The following AGMO variants were observed in gnomAD, a reference collection of about 807,000 sequenced individuals.
AGMO encodes alkylglycerol monooxygenase.
AGMO carries 75 observed loss-of-function variants against 60.2 expected under a neutral mutation model. The ratio of observed to expected loss-of-function variants is 1.25; its 90% CI spans 1.03 to 1.51. The LOEUF is 1.51. Ranked by LOEUF, AGMO falls within the 40% of genes most tolerant of loss-of-function variation. The pLI is 0.00. For synonymous variants in AGMO, 261 were observed against 177.1 expected (o/e 1.47, Z -3.76); for missense variants, 763 against 525.5 (o/e 1.45, Z -4.42).
intron 3 of AGMO, among the ~76,000 whole-genome samples, chr7:15,526,081 T>A (rs750116586): frequency 6.6e-6 from 1 of 152,124 alleles, no homozygotes; most frequent in Non-Finnish European, 1.5e-5. Context: ...GAGTGCGCAG[T>A]CATGGTGGCC....
intron 10 of AGMO, among the ~76,000 whole-genome samples, chr7:15,372,919 C>A (rs1407761515): frequency 2.0e-5 from 3 of 152,086 alleles, no homozygotes; most frequent in Non-Finnish European, 4.4e-5. Context: ...AAGATCATAA[C>A]CATAAATAGC....
At chr7:15,159,580 A>G in the AGMO span, among the ~76,000 whole-genome samples, 2 of 152,176 alleles carry the variant, frequency 1.3e-5, no homozygotes, top group African/African-American at 4.8e-5. Context: ...TAAGCAAGAA[A>G]GCTTTAAAGG....
Position 15,390,561 on chromosome 7 carries a change from T to A in AGMO, c.822+110A>T, listed in dbSNP as rs575057006. The A allele has an allele frequency of 8.2e-6, 6 of 733,218 alleles. No individual in the cohort carries two copies. The East Asian group carries it at 1.8e-4, about 22-fold the overall frequency. The allele number at this position is 733,218 out of a possible 1,614,324, so 45.4% of individuals were successfully genotyped here. The stretch of plus-strand genomic sequence containing the variant: ...GTAAATTTTTTAACAGTTAAAAATT[T>A]TTTCAGGTTAGTGTAATATACTTTC... On this transcript the variant is annotated intron_variant, in intron 8 of 12. Coordinates refer to ENST00000342526, the MANE Select transcript of AGMO (RefSeq NM_001004320.2).
At chr7:15,325,222 C>T (rs10265379) in intron 12 of AGMO, among the ~76,000 whole-genome samples, 4,430 of 152,120 alleles carry the variant, frequency 0.029, 224 homozygotes, top group African/African-American at 0.1. Context: ...TCCAAATTAA[C>T]TTGCATTATA....
intron 3 of AGMO, among the ~76,000 whole-genome samples, chr7:15,513,939 C>T (rs1344008820): frequency 1.3e-5 from 2 of 152,100 alleles, no homozygotes; most frequent in Non-Finnish European, 2.9e-5. Context: ...CTCCTATGAC[C>T]CCCAAACACT....
intron 6 of AGMO, among the ~76,000 whole-genome samples, chr7:15,392,808 A>G (rs1784203893): frequency 1.2e-5 from 1 of 81,574 alleles, no homozygotes; most frequent in Admixed American, 1.3e-4. Flanking sequence ...CAAAACAAAC[A>G]AACAAACAAA....
chr7:15,483,506 CA>C (rs1782820607), intron 3 of AGMO, among the ~76,000 whole-genome samples: 2 of 152,136 alleles, frequency 1.3e-5, no homozygotes, highest in African/African-American at 2.4e-5. Flanking sequence ...GCGGAGCTTG[CA>C]GTGAGCCGCG....
At chr7:15,510,397 T>A (rs1359192796) in intron 3 of AGMO, among the ~76,000 whole-genome samples, 1 of 151,902 alleles carries the variant, frequency 6.6e-6, no homozygotes, top group Admixed American at 6.6e-5. Context: ...AGGCTAATTT[T>A]GAACTCCTGG....
At chr7:15,248,640 C>T (rs1179729403) in intron 12 of AGMO, among the ~76,000 whole-genome samples, 13 of 152,118 alleles carry the variant, frequency 8.5e-5, no homozygotes, top group Admixed American at 8.5e-4. Context: ...GCTATAAACA[C>T]TGAACTTGAG....
the AGMO span, among the ~76,000 whole-genome samples, chr7:15,118,876 A>ATTATTTTT: frequency 1.2e-5 from 1 of 81,732 alleles, no homozygotes; most frequent in Non-Finnish European, 2.4e-5. Context: ...AGACGTCAGT[A>ATTATTTTT]TTTTTTTTTT....
At chr7:15,120,410 C>A in the AGMO span, among the ~76,000 whole-genome samples, 21 of 152,166 alleles carry the variant, frequency 1.4e-4, 1 homozygote, top group South Asian at 4.1e-3. Context: ...TTGTGTCCTC[C>A]CTGAATTCCT....
chr7:15,399,973 T>A (rs1784511640), intron 5 of AGMO, among the ~76,000 whole-genome samples: 2 of 152,186 alleles, frequency 1.3e-5, no homozygotes, highest in Admixed American at 1.3e-4. Context: ...CCAAGCACTC[T>A]TCTTGATTTT....
At chr7:15,531,086 A>ATATATTCTG (rs1784316023) in intron 3 of AGMO, among the ~76,000 whole-genome samples, 1 of 16,728 alleles carries the variant, frequency 6.0e-5, no homozygotes, top group Admixed American at 1.3e-3. Flanking sequence ...TATATTCTAT[A>ATATATTCTG]TATATATTCT....
the AGMO span, among the ~76,000 whole-genome samples, chr7:15,138,763 A>C: frequency 6.6e-6 from 1 of 152,350 alleles, no homozygotes; most frequent in South Asian, 2.1e-4. Flanking sequence ...TTTTGAATGA[A>C]GACAAAATGC....
At chr7:15,433,174 G>A (rs1026886724) in intron 3 of AGMO, among the ~76,000 whole-genome samples, 3 of 152,090 alleles carry the variant, frequency 2.0e-5, no homozygotes, top group African/African-American at 4.8e-5. Context: ...AAGAGGATGA[G>A]CTAATCAGAT....
At position 15,500,093 on chromosome 7, in the gene AGMO, G is replaced by A. The variant is rs541047828; in HGVS notation, c.409+44679C>T. Among the ~76,000 whole-genome samples the A allele has an allele frequency of 3.2e-3, 480 of 151,800 alleles. 2 individuals are homozygous for A. Among genetic ancestry groups the A allele is most frequent in the African/African-American group, 0.011 (443 of 41,480 alleles). On this transcript the variant is annotated intron_variant, in intron 3 of 12. Transcript: ENST00000342526. ...CTCTCTGAATGTACATTGTCTTACA[G>A]TTTTGGTTTTGGATGCAAATTATCA...
intron 3 of AGMO, among the ~76,000 whole-genome samples, chr7:15,470,379 T>G (rs1782419577): frequency 6.6e-6 from 1 of 152,032 alleles, no homozygotes. Context: ...ATGTTGTAGA[T>G]TTATGGCTTC....
At chr7:15,403,082 A>G (rs750398085) in intron 5 of AGMO, among the ~76,000 whole-genome samples, 1 of 151,984 alleles carries the variant, frequency 6.6e-6, no homozygotes, top group Admixed American at 6.6e-5. Flanking sequence ...GATGAAAAAA[A>G]TCACTCATTT....
Position 15,317,842 on chromosome 7 carries a change from C to CATAT in AGMO, c.1263+47668_1263+47671dup, listed in dbSNP as rs5882494. The stretch of plus-strand genomic sequence containing the variant: ...GATATTGAAAGGTTTATATTTTTGT[C>CATAT]ATATATATATATACACACACACACA... On this transcript the variant is annotated intron_variant, in intron 12 of 12. Coordinates refer to ENST00000342526, the MANE Select transcript of AGMO (RefSeq NM_001004320.2). 1.3e-3 allele frequency among the ~76,000 whole-genome samples: 193 copies of CATAT among 145,202 alleles called. 3 individuals are homozygous for CATAT. Among genetic ancestry groups the CATAT allele is most frequent in the Middle Eastern group, 3.6e-3 (1 of 276 alleles).
Sources: allele counts gnomAD v4.1 joint callset (sites outside exome capture counted in the v4.1 genomes callset), GRCh38; gene constraint gnomAD v4.1.1; transcripts MANE v1.5; gene names NCBI Gene and HGNC (gene_info 2026-07-23, HGNC 2026-07-21).